The following CDH4 variants were observed in gnomAD, a reference collection of about 807,000 sequenced individuals.
CDH4 encodes cadherin-4.
A neutral mutation model predicts 86.0 loss-of-function variants in CDH4; 33 were observed. That is an observed-to-expected ratio of 0.38 (90% CI 0.29 to 0.51). The LOEUF is 0.51. Ranked by LOEUF, CDH4 falls within the 20% of genes least tolerant of loss-of-function variation. CDH4 has a pLI of 0.86. For synonymous variants in CDH4, 555 were observed against 549.4 expected (o/e 1.01, Z -0.14); for missense variants, 1,114 against 1,307.4 (o/e 0.85, Z 2.28).
chr20:61,924,170 C>T (rs962988492), intron 10 of CDH4, among the ~76,000 whole-genome samples, 164 bp from the exon 11 acceptor site: 11 of 152,124 alleles, frequency 7.2e-5, no homozygotes, highest in Non-Finnish European at 1.5e-4. Flanking sequence ...GCCAGTCCAA[C>T]GTGGAGGGGA....
At position 61,565,185 on chromosome 20, in the gene CDH4, TGGTCCTCTTGGTGGTGGTCGC is replaced by T. The variant is rs1568688279; in HGVS notation, c.170-178374_170-178354del. Among the ~76,000 whole-genome samples, 373 of 68,622 alleles carry T rather than the reference TGGTCCTCTTGGTGGTGGTCGC, an allele frequency of 5.4e-3. 33 individuals are homozygous for T. Among genetic ancestry groups the T allele is most frequent in the African/African-American group, 0.011 (175 of 16,406 alleles). The allele number at this position is 68,622 out of a possible 152,430, so 45.0% of individuals were successfully genotyped here. A position where few individuals can be genotyped will look rare whatever the true frequency, so the allele number is the denominator to read the frequency against. ...CTTGGTGATGGGGTGGTGGTGGTGG[TGGTCCTCTTGGTGGTGGTCGC>T]GGTGCTCTCGGTGGTAGGTGGTGGT... On this transcript the variant is annotated intron_variant, in intron 2 of 15. Coordinates refer to ENST00000614565, the MANE Select transcript of CDH4 (RefSeq NM_001794.5).
chr20:61,267,184 T>C (rs2084162065), intron 2 of CDH4, among the ~76,000 whole-genome samples: 1 of 152,232 alleles, frequency 6.6e-6, no homozygotes, highest in African/African-American at 2.4e-5. Flanking sequence ...CTTTCTGTTA[T>C]CTGAAGCCAC....
At position 61,590,885 on chromosome 20, in the gene CDH4, G is replaced by GGC. The variant is rs1293966391; in HGVS notation, c.170-152677_170-152676insCG. Among the ~76,000 whole-genome samples the GGC allele has an allele frequency of 3.7e-4, 56 of 151,634 alleles. 4 individuals carry two copies. Among genetic ancestry groups the GGC allele is most frequent in the East Asian group, 1.5e-3 (8 of 5,178 alleles). On this transcript the variant is annotated intron_variant, in intron 2 of 15. Transcript: ENST00000614565. ...GTCTTCCCTAAATCTATGGGGGGGG[G>GGC]GGTCCCCGGGTCTCCAGGCTCCAGC...
intron 2 of CDH4, among the ~76,000 whole-genome samples, chr20:61,286,905 G>T (rs2084296147): frequency 6.6e-6 from 1 of 152,160 alleles, no homozygotes; most frequent in African/African-American, 2.4e-5. Context: ...TGGAAGAATG[G>T]GCAAGTTAAC....
At chr20:61,691,280 C>T (rs371890117) in intron 2 of CDH4, among the ~76,000 whole-genome samples, 17 of 151,558 alleles carry the variant, frequency 1.1e-4, no homozygotes, top group Middle Eastern at 6.8e-3. Context: ...TGTGTATGTG[C>T]GTGTGCATAT....
In CDH4 at chr20:61,544,604, G is replaced by C. The variant is rs1286559535; in HGVS notation, c.170-198959G>C. 6.6e-6 allele frequency among the ~76,000 whole-genome samples: 1 copy of C among 151,976 alleles called. No homozygotes were observed. Among genetic ancestry groups the C allele is most frequent in the Non-Finnish European group, 1.5e-5 (1 of 68,000 alleles). Reference sequence around the variant, plus strand: ...GTGGCATGACCGTGTGTGATGGGATGTGCCGGGGGCAGACAGGGCCCACCA... The same window carrying C: ...GTGGCATGACCGTGTGTGATGGGATCTGCCGGGGGCAGACAGGGCCCACCA... On this transcript the variant is annotated intron_variant, in intron 2 of 15. Transcript: ENST00000614565. This position sits in a 1 kb window ranked among gnomAD's most constrained non-coding sequence, Gnocchi z 6.5.
chr20:61,526,962 G>A (rs1360216863), intron 2 of CDH4, among the ~76,000 whole-genome samples: 1 of 152,228 alleles, frequency 6.6e-6, no homozygotes, highest in African/African-American at 2.4e-5. Context: ...GATATGTCAA[G>A]CGTTCTACCG....
At position 61,553,414 on chromosome 20, in the gene CDH4, A is replaced by G. The variant is rs2086149669; in HGVS notation, c.170-190149A>G. 2.0e-5 allele frequency among the ~76,000 whole-genome samples: 3 copies of G among 152,354 alleles called. No homozygotes were observed. The South Asian group carries it at 6.2e-4, about 32-fold the overall frequency. On this transcript the variant is annotated intron_variant, in intron 2 of 15. Transcript: ENST00000614565. ...AACATACATTGAATTATCCACCTAA[A>G]TGCGTGGATTTACAGTATGCGAAGT...
At chr20:61,868,129 T>C (rs1983631847) in intron 6 of CDH4, among the ~76,000 whole-genome samples, 1 of 152,222 alleles carries the variant, frequency 6.6e-6, no homozygotes, top group Non-Finnish European at 1.5e-5. Context: ...AAGTCAGACA[T>C]GTGGAGTTTC....
At chr20:61,332,813 C>T (rs1362560148) in intron 2 of CDH4, among the ~76,000 whole-genome samples, 3 of 152,238 alleles carry the variant, frequency 2.0e-5, no homozygotes, top group African/African-American at 7.2e-5. Flanking sequence ...CCAGTCCTTC[C>T]TCTGGCCTCA....
Position 61,252,462 on chromosome 20 carries a change from GGC to G in CDH4, c.-50_-49del. ...TGGTCTCGGCGGCGGCGGCGGCGGC[GGC>G]GGCAGGGAGCGGGCTCCCGGTGCCG... On this transcript the variant is annotated 5_prime_UTR_variant, in exon 1 of 16. Transcript: ENST00000614565. This position sits in a 1 kb window ranked among gnomAD's most constrained non-coding sequence, Gnocchi z 4.4. 1.0e-6 allele frequency: 1 copy of G among 973,330 alleles called. No homozygotes were observed. The highest frequency in any genetic ancestry group is 1.3e-6 in the Non-Finnish European group (1 of 797,774). The allele number at this position is 973,330 out of a possible 1,614,324, so 60.3% of individuals were successfully genotyped here.
intron 6 of CDH4, among the ~76,000 whole-genome samples, chr20:61,869,973 CTG>C (rs1983726963): frequency 6.6e-6 from 1 of 152,220 alleles, no homozygotes; most frequent in East Asian, 1.9e-4. Flanking sequence ...AGGGGGACCT[CTG>C]TGGTGGGAGG....
At chr20:61,795,452 G>A (rs1328818727) in intron 4 of CDH4, among the ~76,000 whole-genome samples, 2 of 152,132 alleles carry the variant, frequency 1.3e-5, no homozygotes, top group East Asian at 1.9e-4. Flanking sequence ...TGACAGGTGA[G>A]CAGGAAGTCA....
chr20:61,382,639 G>T (rs965485533), intron 2 of CDH4, among the ~76,000 whole-genome samples: 3 of 152,346 alleles, frequency 2.0e-5, no homozygotes, highest in Non-Finnish European at 4.4e-5. Flanking sequence ...GCAGGGCCAT[G>T]TTCCCCCTGA....
intron 2 of CDH4, among the ~76,000 whole-genome samples, chr20:61,312,079 T>C (rs894526210): frequency 2.6e-5 from 4 of 152,184 alleles, no homozygotes; most frequent in African/African-American, 9.6e-5. Context: ...ACATGTGTGG[T>C]GTGTATATGT....
At chr20:61,639,063 G>C (rs921375740) in intron 2 of CDH4, among the ~76,000 whole-genome samples, 1 of 152,238 alleles carries the variant, frequency 6.6e-6, no homozygotes, top group African/African-American at 2.4e-5. Context: ...GAATGAACAC[G>C]TGCATAAGTG....
chr20:61,909,343 C>T (rs1461288445), intron 8 of CDH4, among the ~76,000 whole-genome samples: 3 of 152,188 alleles, frequency 2.0e-5, no homozygotes, highest in Non-Finnish European at 1.5e-5. Context: ...CAGTGCCCAG[C>T]AGAAGCCAGA....
rs917522968 is a variant in CDH4 at position 61,480,501 on chromosome 20, A to C, written c.169+225564A>C. Among the ~76,000 whole-genome samples, 1 of 152,254 alleles carries C rather than the reference A, an allele frequency of 6.6e-6. No homozygotes were observed. Among genetic ancestry groups the C allele is most frequent in the Non-Finnish European group, 1.5e-5 (1 of 68,034 alleles). On this transcript the variant is annotated intron_variant, in intron 2 of 15. Coordinates refer to ENST00000614565, the MANE Select transcript of CDH4 (RefSeq NM_001794.5). The surrounding 1 kb of genome is among the most constrained non-coding windows in gnomAD (Gnocchi z 5.2). ...ATGAGACATGTTCCCTGAGGAACCC[A>C]GGCAGAACTGGACCCTGCAGGAGCC... is the stretch of plus-strand genomic sequence containing the variant.
chr20:61,297,301 G>A (rs1381191299), intron 2 of CDH4, among the ~76,000 whole-genome samples: 5 of 152,142 alleles, frequency 3.3e-5, no homozygotes, highest in Non-Finnish European at 5.9e-5. Flanking sequence ...CAGGAGAATC[G>A]CTTGAACCCG....
Sources: allele counts gnomAD v4.1 joint callset (sites outside exome capture counted in the v4.1 genomes callset), GRCh38; gene constraint gnomAD v4.1.1; non-coding constraint Gnocchi (gnomAD v3.1); transcripts MANE v1.5; gene names NCBI Gene and HGNC (gene_info 2026-07-23, HGNC 2026-07-21).